ECT2: variants seen among roughly 807,000 people sequenced by gnomAD.
ECT2 encodes the protein protein ECT2.
A neutral mutation model predicts 116.9 loss-of-function variants in ECT2; 61 were observed. The ratio of observed to expected loss-of-function variants is 0.52; its 90% CI spans 0.42 to 0.65. The LOEUF is 0.65. Ranked by LOEUF, ECT2 falls within the 30% of genes least tolerant of loss-of-function variation. The pLI is 0.00. For missense variants in ECT2, 937 were observed against 1,078.7 expected (o/e 0.87, Z 1.84); for synonymous variants, 358 against 346.4 (o/e 1.03, Z -0.37).
intron 24 of ECT2, among the ~76,000 whole-genome samples, chr3:172,817,470 C>T (rs1239767188): frequency 6.6e-6 from 1 of 152,024 alleles, no homozygotes; most frequent in Non-Finnish European, 1.5e-5. Flanking sequence ...AGCTATGATT[C>T]TGTTTATACA....
intron 15 of ECT2, among the ~76,000 whole-genome samples, chr3:172,783,495 T>C (rs1723075820): frequency 6.6e-6 from 1 of 152,176 alleles, no homozygotes; most frequent in Non-Finnish European, 1.5e-5. Flanking sequence ...ATTGATATTT[T>C]TTAAAGTCAT....
At chr3:172,814,342 A>C (rs2109304740) in intron 22 of ECT2, among the ~76,000 whole-genome samples, 1 of 152,222 alleles carries the variant, frequency 6.6e-6, no homozygotes, top group South Asian at 2.1e-4. Context: ...ACTATGGGTT[A>C]GGTATACTAG....
At chr3:172,824,998 T>C (rs1232654810), downstream of ECT2, among the ~76,000 whole-genome samples, 2 of 152,228 alleles carry the variant, frequency 1.3e-5, no homozygotes, top group African/African-American at 4.8e-5. Context: ...GTGCTTTTGA[T>C]AGACTAGAGA....
At chr3:172,756,951 A>G (rs367969096) in intron 4 of ECT2, 32 bp from the exon 5 acceptor site, 785 of 1,538,494 alleles carry the variant, frequency 5.1e-4, no homozygotes, top group Non-Finnish European at 5.9e-4. Context: ...TATATAAATA[A>G]TTTTTATTTC....
At chr3:172,785,837 C>G (rs1244924032) in intron 17 of ECT2, among the ~76,000 whole-genome samples, 1 of 152,064 alleles carries the variant, frequency 6.6e-6, no homozygotes, top group Non-Finnish European at 1.5e-5. Context: ...TTTAGGTTTC[C>G]AAAACATTGT....
At chr3:172,750,949 A>G (rs564381936) in intron 1 of ECT2, 92 bp downstream of exon 1, 1 of 152,502 alleles carries the variant, frequency 6.6e-6, no homozygotes, top group East Asian at 1.9e-4. Flanking sequence ...CCCCGCCCCT[A>G]GTGACCGCGA....
intron 24 of ECT2, among the ~76,000 whole-genome samples, chr3:172,817,484 C>A (rs972504222): frequency 6.6e-6 from 1 of 152,016 alleles, no homozygotes; most frequent in Non-Finnish European, 1.5e-5. Flanking sequence ...TTATACAGAT[C>A]GGTTCCAATG....
intron 22 of ECT2, among the ~76,000 whole-genome samples, chr3:172,812,167 A>AGAGACGGGGTTTCACC (rs1728880064): frequency 6.6e-6 from 1 of 152,108 alleles, no homozygotes; most frequent in Non-Finnish European, 1.5e-5. Context: ...TATTTTTAGT[A>AGAGACGGGGTTTCACC]GAGACGGGGT....
At chr3:172,778,414 G>A (rs985463942) in intron 14 of ECT2, among the ~76,000 whole-genome samples, 7 of 152,012 alleles carry the variant, frequency 4.6e-5, no homozygotes, top group East Asian at 1.9e-4. Flanking sequence ...CTGGGGACTC[G>A]CCTGCCAAAC....
rs553900403 is a variant in ECT2, at chr3:172,798,354, G to A, written c.1908-4262G>A. Among the ~76,000 whole-genome samples, 107 of 152,074 alleles carry A rather than the reference G, an allele frequency of 7.0e-4. 1 individual carries two copies. Among genetic ancestry groups the A allele is most frequent in the Non-Finnish European group, 1.2e-3 (82 of 67,978 alleles). Reference sequence around the variant, plus strand: ...TGGCTAGTCTAAGTTTTTGTCATCCGGTTAGGGTTTTGAATTCTTCCCTAA... The same window carrying A: ...TGGCTAGTCTAAGTTTTTGTCATCCAGTTAGGGTTTTGAATTCTTCCCTAA... On this transcript the variant is annotated intron_variant, in intron 18 of 24. Transcript: ENST00000392692.
At chr3:172,824,368 G>C (rs1471808234), downstream of ECT2, among the ~76,000 whole-genome samples, 1 of 152,196 alleles carries the variant, frequency 6.6e-6, no homozygotes, top group Non-Finnish European at 1.5e-5. Flanking sequence ...CACTTCAGAT[G>C]GCCAGAAGCA....
chr3:172,787,313 A>G (rs1009096562), intron 18 of ECT2, among the ~76,000 whole-genome samples: 1 of 152,184 alleles, frequency 6.6e-6, no homozygotes, highest in Non-Finnish European at 1.5e-5. Context: ...AGGGCTCTTA[A>G]GGAGAAACTT....
At chr3:172,784,164 G>T (rs546629657) in intron 16 of ECT2, among the ~76,000 whole-genome samples, 3 of 151,462 alleles carry the variant, frequency 2.0e-5, no homozygotes, top group African/African-American at 7.3e-5. Context: ...AATTGTGGCC[G>T]GGTGCACCGG....
At chr3:172,782,410 T>A (rs1576933999) in intron 15 of ECT2, among the ~76,000 whole-genome samples, 179 bp downstream of exon 15, 1 of 152,352 alleles carries the variant, frequency 6.6e-6, no homozygotes, top group South Asian at 2.1e-4. Flanking sequence ...GTATGCAATT[T>A]AACACTTTAG....
intron 18 of ECT2, among the ~76,000 whole-genome samples, chr3:172,787,909 T>A (rs182961973): frequency 5.9e-5 from 9 of 152,348 alleles, no homozygotes; most frequent in Admixed American, 5.9e-4. Flanking sequence ...GCAAATAGAT[T>A]AGTCATTTGA....
intron 18 of ECT2, among the ~76,000 whole-genome samples, chr3:172,795,323 CA>C (rs35674521): frequency 0.25 from 25,941 of 104,428 alleles, 3,069 homozygotes; most frequent in African/African-American, 0.46. Context: ...GAGACGCTAT[CA>C]AAAAAAAAAA....
Position 172,754,583 on chromosome 3 carries a change from A to G in ECT2, c.53A>G (p.Asp18Gly). 6.2e-7 allele frequency: 1 copy of G among 1,611,808 alleles called. No homozygotes were observed. The highest frequency in any genetic ancestry group is 1.3e-5 in the African/African-American group (1 of 74,930). The change falls in exon 2 of 25, where the codon GAC becomes GGC. Residue 18 changes from aspartate (D) to glycine (G), a missense_variant. Physicochemically the swap from Asp to Gly is moderately conservative, Grantham distance 94. Transcript: ENST00000392692. ...TSTTGRTSLA[D>G]SSIFDSKVTE... ...ACTACTGGGAGGACTAGCTTGGCAG[A>G]CTCTTCCATTTTTGATTCTAAAGTT... is the stretch of plus-strand genomic sequence containing the variant.
chr3:172,770,345 AT>A (rs1388748316), intron 13 of ECT2, among the ~76,000 whole-genome samples: 1 of 152,180 alleles, frequency 6.6e-6, no homozygotes, highest in Non-Finnish European at 1.5e-5. Flanking sequence ...AAGTTTCAGA[AT>A]TCTAATTTGC....
chr3:172,811,010 A>G lies in ECT2; in HGVS notation c.2400+3086A>G, dbSNP rs1577032890. 2.0e-5 allele frequency among the ~76,000 whole-genome samples: 3 copies of G among 152,308 alleles called. No homozygotes were observed. The South Asian group carries it at 6.2e-4, about 32-fold the overall frequency. The stretch of plus-strand genomic sequence containing the variant: ...GAATAAGTCAGAAAATGTTTTTGGA[A>G]TTATAGTAAGTATCTATTAAAAATG... On this transcript the variant is annotated intron_variant, in intron 22 of 24. Transcript: ENST00000392692.
Sources: gnomAD v4.1 joint callset for allele counts (sites outside exome capture counted in the v4.1 genomes callset) on GRCh38, gnomAD v4.1.1 for gene constraint, MANE v1.5 for transcripts, NCBI Gene and HGNC (gene_info 2026-07-23, HGNC 2026-07-21) for gene names.